Variants in NTM observed in about 807,000 individuals in gnomAD.
The protein encoded by NTM is neurotrimin.
A neutral mutation model predicts 42.1 loss-of-function variants in NTM; 13 were observed. That is an observed-to-expected ratio of 0.31 (90% confidence interval 0.20 to 0.49). NTM has a LOEUF of 0.49. Ranked by LOEUF, NTM falls within the 20% of genes least tolerant of loss-of-function variation. The pLI is 0.99. For synonymous variants in NTM, 187 were observed against 179.2 expected, an observed-to-expected ratio of 1.04 and a Z score of -0.35; for missense variants, 373 against 452.8, an observed-to-expected ratio of 0.82 and a Z score of 1.60.
chr11:131,838,761 C>G (rs765928028), intron 1 of NTM, among the ~76,000 whole-genome samples: 4 of 151,962 alleles, frequency 2.6e-5, no homozygotes, highest in African/African-American at 4.8e-5. Flanking sequence ...AGAATATAAA[C>G]TATAGAATAA....
chr11:132,205,374 A>G (rs1249595700), intron 3 of NTM, among the ~76,000 whole-genome samples: 1 of 152,222 alleles, frequency 6.6e-6, no homozygotes, highest in Admixed American at 6.5e-5. Flanking sequence ...CATAATTATT[A>G]AAACTCAACA....
At chr11:131,494,134 C>A (rs934623297) in intron 1 of NTM, among the ~76,000 whole-genome samples, 2 of 152,164 alleles carry the variant, frequency 1.3e-5, no homozygotes, top group Admixed American at 1.3e-4. Flanking sequence ...TATACTCTTA[C>A]AGGTCAGACA....
intron 1 of NTM, among the ~76,000 whole-genome samples, chr11:131,423,939 C>T (rs1947792306): frequency 6.6e-6 from 1 of 152,182 alleles, no homozygotes; most frequent in South Asian, 2.1e-4. Context: ...TTTCCATTTC[C>T]CCGAGGCTTC....
intron 2 of NTM, among the ~76,000 whole-genome samples, chr11:132,070,130 G>A (rs1312658839): frequency 2.2e-4 from 31 of 139,372 alleles, no homozygotes; most frequent in Admixed American, 1.4e-3. Context: ...TAGTTAACAC[G>A]TCACACAGCC....
chr11:131,631,914 A>G (rs2063696638), intron 1 of NTM, among the ~76,000 whole-genome samples: 1 of 152,034 alleles, frequency 6.6e-6, no homozygotes, highest in Admixed American at 6.5e-5. Context: ...ATTATCTTTT[A>G]TTTATATTAT....
intron 1 of NTM, among the ~76,000 whole-genome samples, chr11:131,518,286 G>A (rs562012656): frequency 1.4e-4 from 21 of 152,228 alleles, no homozygotes; most frequent in South Asian, 4.1e-4. Flanking sequence ...GCAAGAATGG[G>A]GACTGGAACC....
intron 1 of NTM, among the ~76,000 whole-genome samples, chr11:131,697,703 C>T (rs1181540085): frequency 1.3e-5 from 2 of 152,082 alleles, no homozygotes; most frequent in Non-Finnish European, 2.9e-5. Context: ...TTTTCAATGT[C>T]CTTTAATTTA....
intron 1 of NTM, among the ~76,000 whole-genome samples, chr11:131,644,317 G>A (rs2065502303): frequency 6.6e-6 from 1 of 152,156 alleles, no homozygotes; most frequent in South Asian, 2.1e-4. Context: ...CTAAATAGGT[G>A]ATCATACCTG....
chr11:131,412,576 A>G (rs1946541988), intron 1 of NTM, among the ~76,000 whole-genome samples: 1 of 152,202 alleles, frequency 6.6e-6, no homozygotes, highest in Non-Finnish European at 1.5e-5. Flanking sequence ...TTTAGATAAC[A>G]TAGCAAAAGT....
At chr11:132,252,238 C>A (rs1422587793) in intron 4 of NTM, among the ~76,000 whole-genome samples, 3 of 152,210 alleles carry the variant, frequency 2.0e-5, no homozygotes, top group Non-Finnish European at 4.4e-5. Flanking sequence ...TACAATCAAC[C>A]TTTCAGCTCA....
At chr11:131,418,611 C>T (rs1034518383) in intron 1 of NTM, among the ~76,000 whole-genome samples, 5 of 152,226 alleles carry the variant, frequency 3.3e-5, no homozygotes, top group African/African-American at 1.2e-4. Flanking sequence ...AAATTGGCCT[C>T]GAAAGCCCAC....
chr11:131,485,423 G>T (rs149743989), intron 1 of NTM, among the ~76,000 whole-genome samples: 36 of 152,282 alleles, frequency 2.4e-4, no homozygotes, highest in Non-Finnish European at 2.8e-4. Context: ...GTGTGTGTGA[G>T]GGGTGGGACT....
intron 1 of NTM, among the ~76,000 whole-genome samples, chr11:131,495,261 C>T (rs1244239974): frequency 6.6e-6 from 1 of 152,190 alleles, no homozygotes; most frequent in African/African-American, 2.4e-5. Flanking sequence ...TCAAAGAATC[C>T]TGCTGTCGGT....
At chr11:132,103,446 T>A (rs537855069) in intron 2 of NTM, among the ~76,000 whole-genome samples, 142 of 152,390 alleles carry the variant, frequency 9.3e-4, no homozygotes, top group Non-Finnish European at 1.4e-3. Flanking sequence ...TTTGCAATCA[T>A]GTGAAAATGC....
At chr11:132,156,466 C>G (rs2073213414) in intron 3 of NTM, among the ~76,000 whole-genome samples, 1 of 152,204 alleles carries the variant, frequency 6.6e-6, no homozygotes, top group Non-Finnish European at 1.5e-5. Flanking sequence ...CTGCCAGGAG[C>G]TAGAGCCTTG....
chr11:132,292,578 G>A (rs2094482061), intron 4 of NTM, among the ~76,000 whole-genome samples: 1 of 151,908 alleles, frequency 6.6e-6, no homozygotes, highest in East Asian at 1.9e-4. Context: ...GCTTGAGACA[G>A]GCACGTATGA....
chr11:132,124,835 ACAT>A (rs2065412763), intron 2 of NTM, among the ~76,000 whole-genome samples: 2 of 152,108 alleles, frequency 1.3e-5, no homozygotes, highest in Non-Finnish European at 2.9e-5. Context: ...AAAAACAACA[ACAT>A]AAAGAAAAAT....
chr11:132,151,417 A>G (rs895631906), intron 3 of NTM, among the ~76,000 whole-genome samples: 2 of 152,204 alleles, frequency 1.3e-5, no homozygotes, highest in African/African-American at 4.8e-5. Flanking sequence ...TGGAAAACTG[A>G]CTTCTCCATT....
chr11:131,491,376 C>T (rs1423423200), intron 1 of NTM, among the ~76,000 whole-genome samples: 2 of 150,064 alleles, frequency 1.3e-5, no homozygotes, highest in East Asian at 1.9e-4. Context: ...TATTTAATAA[C>T]AATATTATTT....
Sources: allele counts gnomAD v4.1 joint callset (sites outside exome capture counted in the v4.1 genomes callset), GRCh38; gene constraint gnomAD v4.1.1; transcripts MANE v1.5; gene names NCBI Gene and HGNC (gene_info 2026-07-23, HGNC 2026-07-21).